DNAJC13: variants seen among roughly 807,000 people sequenced by gnomAD.
DNAJC13 encodes the protein dnaJ homolog subfamily C member 13.
DNAJC13 carries 75 observed loss-of-function variants against 290.5 expected under a neutral mutation model. That is an observed-to-expected ratio of 0.26 (90% CI 0.21 to 0.31). DNAJC13 has a LOEUF of 0.31. Among genes scored for constraint, DNAJC13 ranks in the 10% least tolerant of loss-of-function variants. The pLI, the probability that DNAJC13 is intolerant of heterozygous loss-of-function variation, is 1.00. For synonymous variants in DNAJC13, 862 were observed against 892.0 expected, an observed-to-expected ratio of 0.97 and a Z score of 0.60; for missense variants, 2,260 against 2,674.5, an observed-to-expected ratio of 0.85 and a Z score of 3.42.
intron 24 of DNAJC13, 145 bp from the exon 25 acceptor site, chr3:132,479,082 T>C: frequency 1.9e-6 from 1 of 525,500 alleles, no homozygotes; most frequent in East Asian, 3.1e-5. Context: ...ATTGCAATAA[T>C]TGACAGATTT....
At chr3:132,450,879 TA>T in intron 6 of DNAJC13, 32 bp downstream of exon 6, 3 of 1,271,392 alleles carry the variant, frequency 2.4e-6, no homozygotes, top group Non-Finnish European at 2.2e-6. Flanking sequence ...AAAAACACTT[TA>T]AAAGGGTCAT....
At chr3:132,481,026 TG>T (rs1196275738) in intron 26 of DNAJC13, among the ~76,000 whole-genome samples, 1 of 152,210 alleles carries the variant, frequency 6.6e-6, no homozygotes, top group Non-Finnish European at 1.5e-5. Flanking sequence ...GGTACTGTTC[TG>T]GTACACATAC....
chr3:132,482,315 G>A lies in DNAJC13; in HGVS notation c.2964G>A (p.Pro988=), dbSNP rs139774701. The change falls in exon 27 of 56, where the codon CCG becomes CCA. Residue 988 remains proline (P), a synonymous_variant. Coordinates refer to ENST00000260818, the MANE Select transcript of DNAJC13 (RefSeq NM_015268.4). The part of the protein sequence containing the change: ...FGNADKERSG[P]YGFHEMQELW... ...ACGCAGACAAAGAAAGGAGTGGCCCGTATGGATTTCATGAGGTATGTATCT... is the reference window on the plus strand; with the variant it reads ...ACGCAGACAAAGAAAGGAGTGGCCCATATGGATTTCATGAGGTATGTATCT... The A allele has an allele frequency of 5.6e-6, 9 of 1,613,178 alleles. No homozygotes were observed. The highest frequency in any genetic ancestry group is 3.3e-5 in the Admixed American group (2 of 59,954).
chr3:132,482,170 A>G, intron 26 of DNAJC13, 56 bp from the exon 27 acceptor site: 1 of 1,475,458 alleles, frequency 6.8e-7, no homozygotes, highest in Non-Finnish European at 9.3e-7. Context: ...GTTTTACGAC[A>G]TCTGGTCTTT....
chr3:132,462,795 A>G (rs1024218142), intron 16 of DNAJC13, among the ~76,000 whole-genome samples: 26 of 152,210 alleles, frequency 1.7e-4, no homozygotes, highest in African/African-American at 6.0e-4. Context: ...TTAGCATTCT[A>G]TCTGTTGCTC....
chr3:132,538,447 G>T lies in DNAJC13; in HGVS notation c.*165G>T. ...GGAAAAAAAGTCAGTGATCCTAATTGTATCACATTATAAGAAAGCACTCTG... is the reference window on the plus strand; with the variant it reads ...GGAAAAAAAGTCAGTGATCCTAATTTTATCACATTATAAGAAAGCACTCTG... On this transcript the variant is annotated 3_prime_UTR_variant, in exon 56 of 56. Coordinates refer to ENST00000260818, the MANE Select transcript of DNAJC13 (RefSeq NM_015268.4). The T allele has an allele frequency of 1.8e-6, 1 of 562,152 alleles. No homozygotes were observed. The highest frequency in any genetic ancestry group is 3.0e-6 in the Non-Finnish European group (1 of 328,372). 34.8% of individuals were successfully genotyped at this position (562,152 alleles called of 1,614,324 possible).
chr3:132,445,974 T>C (rs979922952), intron 2 of DNAJC13, among the ~76,000 whole-genome samples: 24 of 152,086 alleles, frequency 1.6e-4, no homozygotes, highest in African/African-American at 5.5e-4. Flanking sequence ...TCTATAAAAT[T>C]GCAACACTGA....
chr3:132,431,715 T>A (rs1443274152), intron 1 of DNAJC13, among the ~76,000 whole-genome samples: 2 of 152,212 alleles, frequency 1.3e-5, no homozygotes, highest in African/African-American at 2.4e-5. Flanking sequence ...TTATTCATAA[T>A]AGCCAAAAGG....
intron 26 of DNAJC13, 119 bp from the exon 27 acceptor site, chr3:132,482,107 A>G: frequency 1.5e-6 from 1 of 657,572 alleles, no homozygotes; most frequent in Non-Finnish European, 2.4e-6. Flanking sequence ...TTAAACTTTC[A>G]GGTTAACTTT....
chr3:132,499,852 A>G (rs768515435), intron 38 of DNAJC13, 44 bp downstream of exon 38: 15 of 1,554,320 alleles, frequency 9.7e-6, no homozygotes, highest in South Asian at 4.5e-5. Flanking sequence ...CACTAGTTCA[A>G]TGGTTCAGAC....
rs1156766374 is a variant in DNAJC13, at chr3:132,496,519, TAC to T, written c.4021-7_4021-6del. 1.3e-6 allele frequency: 2 copies of T among 1,581,672 alleles called. No homozygotes were observed. The highest frequency in any genetic ancestry group is 3.7e-5 in the Admixed American group (2 of 54,550). On this transcript the variant is annotated splice_region_variant and splice_polypyrimidine_tract_variant and intron_variant, in intron 35 of 55. Coordinates refer to ENST00000260818, the MANE Select transcript of DNAJC13 (RefSeq NM_015268.4). ...AAATTAACGTTAAATTATCTTCTGT[TAC>T]ATACAGGACATGTTTGAAAAAGTAA...
At chr3:132,492,381 A>G (rs1935082162) in intron 32 of DNAJC13, 33 bp from the exon 33 acceptor site, 1 of 1,608,126 alleles carries the variant, frequency 6.2e-7, no homozygotes, top group South Asian at 1.1e-5. Flanking sequence ...ATAATACCTC[A>G]TAAAGCTTGA....
chr3:132,536,582 C>T (rs923765319), intron 55 of DNAJC13, among the ~76,000 whole-genome samples: 1 of 152,214 alleles, frequency 6.6e-6, no homozygotes, highest in Non-Finnish European at 1.5e-5. Context: ...TCAGAAACTA[C>T]ACAGTCTGGA....
rs1445986656 is a variant in DNAJC13 at position 132,471,160 on chromosome 3, T to C, written c.2209-1985T>C. Among the ~76,000 whole-genome samples, 2 of 107,288 alleles carry C rather than the reference T, an allele frequency of 1.9e-5. 1 individual carries two copies. The highest frequency in any genetic ancestry group is 3.8e-5 in the Non-Finnish European group (2 of 52,424). The allele number at this position is 107,288 out of a possible 152,430, so 70.4% of individuals were successfully genotyped here. A position where few individuals can be genotyped will look rare whatever the true frequency, so the allele number is the denominator to read the frequency against. ...TCCTGGACGGGGTGGCTGGCCCGGC[T>C]GAGGGGCTCCTCACTTCCCAGTAGG... On this transcript the variant is annotated intron_variant, in intron 20 of 55. Transcript: ENST00000260818.
chr3:132,499,740 C>A lies in DNAJC13; in HGVS notation c.4348C>A (p.Gln1450Lys). The A allele has an allele frequency of 1.2e-6, 2 of 1,614,092 alleles. No individual in the cohort carries two copies. Among genetic ancestry groups the A allele is most frequent in the Non-Finnish European group, 1.7e-6 (2 of 1,179,968 alleles). Residue 1450 changes from glutamine to lysine, a missense_variant, in exon 38 of 56, where the codon CAA (glutamine) becomes AAA (lysine). Physicochemically the swap from Gln to Lys is moderately conservative, Grantham distance 53 (BLOSUM62 1). This residue lies in a region of DNAJC13 where 1,494 missense variants were observed against 1,693.7 expected (regional missense o/e 0.88). Coordinates refer to ENST00000260818, the MANE Select transcript of DNAJC13 (RefSeq NM_015268.4). ...CTGACTTCTTCCTCTGCAGGTGTTA[C>A]AAGAGGCATTTAGTCGCTGTGTGGC... ...LRRENGLEVL[Q>K]EAFSRCVAVL... is the part of the protein sequence containing the mutation.
rs1021586007 is a variant in DNAJC13 at position 132,522,842 on chromosome 3, A to C, written c.5688A>C (p.Leu1896Phe). 4 of 1,606,782 alleles carry C rather than the reference A, an allele frequency of 2.5e-6. No homozygotes were observed. The highest frequency in any genetic ancestry group is 3.4e-6 in the Non-Finnish European group (4 of 1,178,046). Residue 1896 changes from leucine (L) to phenylalanine (F), a missense_variant, in exon 49 of 56, where the codon TTA becomes TTC. Transcript: ENST00000260818. Reference protein sequence around the residue: ...KLIGPKVRITLMKFLPSVFMD... With the variant: ...KLIGPKVRITFMKFLPSVFMD... ...TCCTCGTATAGGTTCGAATTACGTT[A>C]ATGAAATTTCTACCAAGCGTTTTCA...
chr3:132,447,875 T>A lies in DNAJC13; in HGVS notation c.295-23T>A, dbSNP rs188289098. 1.4e-5 allele frequency: 22 copies of A among 1,596,774 alleles called. No homozygotes were observed. The African/African-American group carries it at 2.1e-4, about 16-fold the overall frequency. Reference sequence around the variant, plus strand: ...TCCTTACCAGTCTGTTGTCATAAACTGTGGTTATGTTTTCTCTTTCAGAGA... The same window carrying A: ...TCCTTACCAGTCTGTTGTCATAAACAGTGGTTATGTTTTCTCTTTCAGAGA... On this transcript the variant is annotated intron_variant, in intron 4 of 55. Coordinates refer to ENST00000260818, the MANE Select transcript of DNAJC13 (RefSeq NM_015268.4).
At chr3:132,459,649 A>G (rs1024018397) in intron 13 of DNAJC13, among the ~76,000 whole-genome samples, 2 of 152,220 alleles carry the variant, frequency 1.3e-5, no homozygotes, top group East Asian at 1.9e-4. Flanking sequence ...AGCCCTCATT[A>G]CATATTAGGT....
intron 51 of DNAJC13, among the ~76,000 whole-genome samples, chr3:132,525,066 C>T (rs533635247): frequency 3.9e-5 from 6 of 152,248 alleles, no homozygotes; most frequent in East Asian, 1.9e-4. Context: ...AGAGGCTGGG[C>T]GCGGTGGCTC....
Sources: gnomAD v4.1 joint callset for allele counts (sites outside exome capture counted in the v4.1 genomes callset) on GRCh38, gnomAD v4.1.1 for gene constraint, gnomAD v4.1.1 regional missense constraint, MANE v1.5 for transcripts, NCBI Gene and HGNC (gene_info 2026-07-23, HGNC 2026-07-21) for gene names.